The following COL23A1 variants were observed in gnomAD, a reference collection of about 807,000 sequenced individuals.
COL23A1 encodes collagen type XXIII alpha 1 chain.
A neutral mutation model predicts 99.3 loss-of-function variants in COL23A1; 97 were observed. The observed-to-expected ratio is 0.98, with a 90% CI of 0.83 to 1.16. The LOEUF (loss-of-function observed/expected upper bound fraction) is 1.16. Among genes scored for constraint, COL23A1 ranks in the 50% most tolerant of loss-of-function variants. COL23A1 has a pLI of 0.00. For missense variants in COL23A1, 762 were observed against 757.4 expected (o/e 1.01, Z -0.07); for synonymous variants, 320 against 308.2 (o/e 1.04, Z -0.40).
At chr5:178,524,854 G>A (rs971753790) in intron 2 of COL23A1, among the ~76,000 whole-genome samples, 3 of 152,188 alleles carry the variant, frequency 2.0e-5, no homozygotes, top group Non-Finnish European at 2.9e-5. Flanking sequence ...ACTCACTCAC[G>A]CAGCAATGCA....
intron 5 of COL23A1, among the ~76,000 whole-genome samples, chr5:178,283,680 G>A (rs1308602000): frequency 6.6e-6 from 1 of 152,186 alleles, no homozygotes; most frequent in Non-Finnish European, 1.5e-5. Context: ...AAGAGGAAAA[G>A]CAAACATTGT....
Position 178,391,273 on chromosome 5 carries a change from C to T in COL23A1, c.362-84354G>A, listed in dbSNP as rs150888337. Reference sequence around the variant, plus strand: ...GCACCAAAAAGGTTGGAGACCACTGCTTTAAAAGATACCGTGAAGAAAAGG... The same window carrying T: ...GCACCAAAAAGGTTGGAGACCACTGTTTTAAAAGATACCGTGAAGAAAAGG... On this transcript the variant is annotated intron_variant, in intron 2 of 28. Coordinates refer to ENST00000390654, the MANE Select transcript of COL23A1 (RefSeq NM_173465.4). 2.8e-3 allele frequency among the ~76,000 whole-genome samples: 427 copies of T among 152,284 alleles called. 2 individuals are homozygous for T. The highest frequency in any genetic ancestry group is 9.8e-3 in the African/African-American group (407 of 41,554).
At chr5:178,512,515 T>C (rs1759265912) in intron 2 of COL23A1, among the ~76,000 whole-genome samples, 1 of 152,102 alleles carries the variant, frequency 6.6e-6, no homozygotes, top group Middle Eastern at 3.2e-3. Context: ...ATACAGAGTG[T>C]GCCAGGGAGA....
At chr5:178,582,345 T>C (rs987362026) in intron 1 of COL23A1, among the ~76,000 whole-genome samples, 2 of 151,416 alleles carry the variant, frequency 1.3e-5, no homozygotes, top group African/African-American at 4.9e-5. Context: ...AATGGGCACG[T>C]CAAGGGGCAA....
rs1022044718 is a variant in COL23A1 at position 178,357,983 on chromosome 5, T to G, written c.362-51064A>C. 1.1e-4 allele frequency among the ~76,000 whole-genome samples: 16 copies of G among 149,016 alleles called. 1 individual carries two copies. Among genetic ancestry groups the G allele is most frequent in the Non-Finnish European group, 1.0e-4 (7 of 67,758 alleles). On this transcript the variant is annotated intron_variant, in intron 2 of 28. Coordinates refer to ENST00000390654, the MANE Select transcript of COL23A1 (RefSeq NM_173465.4). ...GTGTGTATGTGTATGTGTATATATG[T>G]GTGTATGCGTGTGTGTATATGTATG...
chr5:178,502,350 C>G (rs995163888), intron 2 of COL23A1, among the ~76,000 whole-genome samples: 7 of 152,190 alleles, frequency 4.6e-5, no homozygotes, highest in Admixed American at 6.5e-5. Flanking sequence ...CCAGGATGGT[C>G]TCGATCTTCT....
rs73349050 is a variant in COL23A1, at chr5:178,380,009, G to A, written c.362-73090C>T. 6.3e-3 allele frequency among the ~76,000 whole-genome samples: 964 copies of A among 152,308 alleles called. 14 individuals carry two copies. The highest frequency in any genetic ancestry group is 0.022 in the African/African-American group (930 of 41,556). On this transcript the variant is annotated intron_variant, in intron 2 of 28. Coordinates refer to ENST00000390654, the MANE Select transcript of COL23A1 (RefSeq NM_173465.4). ...GGCCCCACAGCCTCAGGTTGGAGCT[G>A]GAACCAGGCTCCACAGACTTTCAGG...
chr5:178,439,763 C>T lies in COL23A1; in HGVS notation c.361+120919G>A, dbSNP rs1392148878. The T allele has an allele frequency of 3.3e-5, 5 of 152,252 alleles. No homozygotes were observed. Among genetic ancestry groups the T allele is most frequent in the Admixed American group, 1.3e-4 (2 of 15,290 alleles). The allele number at this position is 152,252 out of a possible 1,614,324, so 9.4% of individuals were successfully genotyped here. A position where few individuals can be genotyped will look rare whatever the true frequency, so the allele number is the denominator to read the frequency against. ...ACTCAGATGCAAATGCTCATAGAAG[C>T]GTTCTTCAAAATAGCCCCAAACTGG... On this transcript the variant is annotated intron_variant, in intron 2 of 28. Coordinates refer to ENST00000390654, the MANE Select transcript of COL23A1 (RefSeq NM_173465.4). This position sits in a 1 kb window ranked among gnomAD's most constrained non-coding sequence, Gnocchi z 4.2.
At chr5:178,262,775 T>C (rs1011710601) in intron 9 of COL23A1, among the ~76,000 whole-genome samples, 15 of 152,036 alleles carry the variant, frequency 9.9e-5, no homozygotes, top group Non-Finnish European at 1.6e-4. Flanking sequence ...GGGACTGGGA[T>C]TGCAACTAAG....
chr5:178,521,397 C>CA (rs917900047), intron 2 of COL23A1, among the ~76,000 whole-genome samples: 2 of 151,698 alleles, frequency 1.3e-5, no homozygotes, highest in Non-Finnish European at 1.5e-5. Context: ...TCTAAAAATA[C>CA]AAAAAATTAG....
intron 2 of COL23A1, among the ~76,000 whole-genome samples, chr5:178,539,545 C>CAAGA (rs1761169212): frequency 1.3e-5 from 1 of 78,386 alleles, no homozygotes; most frequent in Non-Finnish European, 2.3e-5. Context: ...GACTCTGTCT[C>CAAGA]AAAAAAAAAA....
At chr5:178,473,306 A>G (rs1287700832) in intron 2 of COL23A1, among the ~76,000 whole-genome samples, 1 of 151,796 alleles carries the variant, frequency 6.6e-6, no homozygotes, top group Admixed American at 6.6e-5. Flanking sequence ...ATTTGACTTT[A>G]TTTTTGTAGA....
chr5:178,578,509 T>A (rs1763507853), intron 1 of COL23A1, among the ~76,000 whole-genome samples: 1 of 152,194 alleles, frequency 6.6e-6, no homozygotes, highest in Non-Finnish European at 1.5e-5. Flanking sequence ...TGTGTGATGT[T>A]CCTCCCGGGA....
rs930944416 is a variant in COL23A1 at position 178,360,886 on chromosome 5, G to A, written c.362-53967C>T. Among the ~76,000 whole-genome samples, 4 of 151,882 alleles carry A rather than the reference G, an allele frequency of 2.6e-5. 1 individual carries two copies. Among genetic ancestry groups the A allele is most frequent in the Admixed American group, 2.6e-4 (4 of 15,262 alleles). On this transcript the variant is annotated intron_variant, in intron 2 of 28. Coordinates refer to ENST00000390654, the MANE Select transcript of COL23A1 (RefSeq NM_173465.4). ...ATGGGAGAGAAATGCTACGCACCTG[G>A]GGCTTAACCTCGAGCAGCTGTGTGG... is the stretch of plus-strand genomic sequence containing the variant.
intron 8 of COL23A1, 103 bp from the exon 9 acceptor site, chr5:178,263,427 C>A: frequency 2.8e-6 from 2 of 726,352 alleles, no homozygotes; most frequent in East Asian, 5.4e-5. Flanking sequence ...CTTCCCCAGC[C>A]CTTGGGCAGG....
chr5:178,578,009 A>G (rs1439264265), intron 1 of COL23A1, among the ~76,000 whole-genome samples: 1 of 152,160 alleles, frequency 6.6e-6, no homozygotes, highest in Non-Finnish European at 1.5e-5. Flanking sequence ...TCTAAGTGAG[A>G]TGCCTGTACA....
At chr5:178,383,150 C>T (rs1581272204) in intron 2 of COL23A1, among the ~76,000 whole-genome samples, 2 of 152,294 alleles carry the variant, frequency 1.3e-5, no homozygotes, top group South Asian at 4.1e-4. Context: ...CCCCCTCCCC[C>T]TCCTCCAGCT....
chr5:178,493,787 G>A (rs1339299116), intron 2 of COL23A1, among the ~76,000 whole-genome samples: 5 of 152,200 alleles, frequency 3.3e-5, no homozygotes, highest in Admixed American at 1.3e-4. Flanking sequence ...CGAACCCCTC[G>A]GGGACCATCT....
chr5:178,389,329 G>A (rs1357601745), intron 2 of COL23A1, among the ~76,000 whole-genome samples: 1 of 152,158 alleles, frequency 6.6e-6, no homozygotes, highest in African/African-American at 2.4e-5. Context: ...TTCCAAAGGT[G>A]GGTTTGGCTA....
Sources: gnomAD v4.1 joint callset for allele counts (sites outside exome capture counted in the v4.1 genomes callset) on GRCh38, gnomAD v4.1.1 for gene constraint, Gnocchi (gnomAD v3.1) non-coding constraint, MANE v1.5 for transcripts, NCBI Gene and HGNC (gene_info 2026-07-23, HGNC 2026-07-21) for gene names.